Variants in CNTNAP5 observed in about 807,000 individuals in gnomAD.
CNTNAP5 encodes the protein contactin-associated protein-like 5.
CNTNAP5 carries 72 observed loss-of-function variants against 150.2 expected under a neutral mutation model. The ratio of observed to expected loss-of-function variants is 0.48; its 90% CI spans 0.40 to 0.58. The LOEUF is 0.58. CNTNAP5 is among the 20% of genes least tolerant of loss of function. CNTNAP5 has a pLI of 0.00. For missense variants in CNTNAP5, 1,636 were observed against 1,626.2 expected, an observed-to-expected ratio of 1.01 and a Z score of -0.10; for synonymous variants, 672 against 619.8, an observed-to-expected ratio of 1.08 and a Z score of -1.25.
chr2:124,161,030 C>T (rs1684664296), intron 1 of CNTNAP5, among the ~76,000 whole-genome samples: 2 of 151,998 alleles, frequency 1.3e-5, no homozygotes, highest in Admixed American at 1.3e-4. Flanking sequence ...ACAGCAAGAT[C>T]AGAGGAAATA....
chr2:124,478,692 G>T (rs927632897), intron 7 of CNTNAP5, among the ~76,000 whole-genome samples: 3 of 152,118 alleles, frequency 2.0e-5, no homozygotes, highest in African/African-American at 4.8e-5. Context: ...AATCAGCTTT[G>T]CTCCATCACT....
In CNTNAP5 at chr2:124,219,077, T is replaced by A. The variant is rs1686237367; in HGVS notation, c.83-2628T>A. The stretch of plus-strand genomic sequence containing the variant: ...ATCATTTTAACAATTTATATATGAA[T>A]GCGAAGATTACCAAAAAAGAAAAAG... On this transcript the variant is annotated intron_variant, in intron 1 of 23. Transcript: ENST00000682447. 2.0e-5 allele frequency among the ~76,000 whole-genome samples: 3 copies of A among 152,188 alleles called. No individual in the cohort carries two copies. In the South Asian group the frequency reaches 6.2e-4, roughly 32 times the overall value.
chr2:124,809,358 A>G (rs1474833975), intron 19 of CNTNAP5, among the ~76,000 whole-genome samples: 2 of 151,102 alleles, frequency 1.3e-5, no homozygotes, highest in African/African-American at 4.8e-5. Flanking sequence ...GATAATATAT[A>G]AACCCATAAA....
intron 4 of CNTNAP5, among the ~76,000 whole-genome samples, chr2:124,433,306 G>A (rs917131849): frequency 6.6e-6 from 1 of 152,076 alleles, no homozygotes; most frequent in East Asian, 1.9e-4. Flanking sequence ...TTAAAGTCAA[G>A]GTTTCCATCA....
At chr2:124,603,380 G>A (rs550222828) in intron 11 of CNTNAP5, among the ~76,000 whole-genome samples, 1 of 152,234 alleles carries the variant, frequency 6.6e-6, no homozygotes, top group Admixed American at 6.5e-5. Context: ...TGCCACATTA[G>A]AGGCACCCTG....
chr2:124,188,716 C>CAAAAAAAA lies in CNTNAP5; in HGVS notation c.83-32974_83-32967dup, dbSNP rs70996047. ...CCTGGGTGACAGCGAGACTCTGTCTCAAAAAAAAAAAAAAAAAAAAAAGAC... is the reference window on the plus strand; with the variant it reads ...CCTGGGTGACAGCGAGACTCTGTCTCAAAAAAAAAAAAAAAAAAAAAAAAAAAAAAGAC... On this transcript the variant is annotated intron_variant, in intron 1 of 23. Transcript: ENST00000682447. Among the ~76,000 whole-genome samples the CAAAAAAAA allele has an allele frequency of 1.6e-3, 120 of 73,002 alleles. 3 individuals carry two copies. The highest frequency in any genetic ancestry group is 0.011 in the Middle Eastern group (1 of 88). The allele number at this position is 73,002 out of a possible 152,430, so 47.9% of individuals were successfully genotyped here. A position where few individuals can be genotyped will look rare whatever the true frequency, so the allele number is the denominator to read the frequency against.
At chr2:124,593,182 A>T (rs201941082) in intron 11 of CNTNAP5, among the ~76,000 whole-genome samples, 60,754 of 143,426 alleles carry the variant, frequency 0.42, 13,503 homozygotes, top group East Asian at 0.79. Flanking sequence ...ATGTGCACAT[A>T]GTGCAGGTTA....
intron 11 of CNTNAP5, among the ~76,000 whole-genome samples, chr2:124,595,348 G>A (rs1383016123): frequency 3.2e-5 from 4 of 125,584 alleles, no homozygotes; most frequent in Non-Finnish European, 6.6e-5. Context: ...GTAGCATGAA[G>A]GGTTGTTGAA....
intron 17 of CNTNAP5, among the ~76,000 whole-genome samples, chr2:124,773,909 C>CGTGTGTGT (rs55795835): frequency 1.5e-5 from 2 of 132,018 alleles, no homozygotes; most frequent in African/African-American, 5.6e-5. Context: ...TAAGGGAGTG[C>CGTGTGTGT]GTGTGTGTGT....
chr2:124,551,884 A>T (rs992783), intron 10 of CNTNAP5, among the ~76,000 whole-genome samples: 149,214 of 152,244 alleles, frequency 0.98, 73,206 homozygotes, highest in East Asian at 1. Flanking sequence ...TATATTTTTT[A>T]ATGCTCTTAT....
At chr2:124,549,813 C>A (rs551690507) in intron 10 of CNTNAP5, among the ~76,000 whole-genome samples, 4 of 152,158 alleles carry the variant, frequency 2.6e-5, no homozygotes, top group East Asian at 3.8e-4. Context: ...TGCTATGATA[C>A]GTTATTATTT....
intron 3 of CNTNAP5, among the ~76,000 whole-genome samples, chr2:124,264,073 A>G (rs542824954): frequency 3.6e-4 from 54 of 152,058 alleles, no homozygotes; most frequent in African/African-American, 1.2e-3. Flanking sequence ...ATTATTAGCT[A>G]CTGGTTATTT....
chr2:124,060,691 G>A (rs563747869), intron 1 of CNTNAP5, among the ~76,000 whole-genome samples: 1 of 152,272 alleles, frequency 6.6e-6, no homozygotes, highest in Admixed American at 6.5e-5. Context: ...AGCAGAACAA[G>A]CATTTCTTAC....
At chr2:124,079,551 CA>C (rs1682512753) in intron 1 of CNTNAP5, among the ~76,000 whole-genome samples, 1 of 152,116 alleles carries the variant, frequency 6.6e-6, no homozygotes, top group African/African-American at 2.4e-5. Context: ...CAAATCGTTT[CA>C]AACAGTGCAT....
Position 124,706,795 on chromosome 2 carries a change from AAGG to A in CNTNAP5, c.2078-40405_2078-40403del, listed in dbSNP as rs1192390906. On this transcript the variant is annotated intron_variant, in intron 13 of 23. Coordinates refer to ENST00000682447, the MANE Select transcript of CNTNAP5 (RefSeq NM_001367498.1). The stretch of plus-strand genomic sequence containing the variant: ...GAAGAAGAAGAAGAAGAAGAAGAAG[AAGG>A]AGGAGGAGGAGGAGGAGGAGGAGGA... Among the ~76,000 whole-genome samples the A allele has an allele frequency of 2.0e-3, 38 of 18,866 alleles. No homozygotes were observed. The South Asian group carries it at 0.031, about 15-fold the overall frequency. 12.4% of individuals were successfully genotyped at this position (18,866 alleles called of 152,430 possible).
chr2:124,869,713 G>T lies in CNTNAP5; in HGVS notation c.3387G>T (p.Pro1129=). Residue 1129 remains proline (P), a synonymous_variant, in exon 21 of 24, where the codon CCG becomes CCT. Transcript: ENST00000682447. The part of the protein sequence containing the change: ...QQLRLSYNFS[P]EVEFRVIRSL... ...TTCGACTCAGTTATAACTTCTCTCC[G>T]GAAGTAGAGTTCAGGGTTATAAGGT... 6.2e-7 allele frequency: 1 copy of T among 1,611,882 alleles called. No homozygotes were observed. Among genetic ancestry groups the T allele is most frequent in the Middle Eastern group, 1.7e-4 (1 of 6,044 alleles).
intron 4 of CNTNAP5, among the ~76,000 whole-genome samples, chr2:124,418,606 C>T (rs1041759976): frequency 1.3e-5 from 2 of 152,124 alleles, no homozygotes; most frequent in African/African-American, 4.8e-5. Context: ...AGGGAATTTA[C>T]TGGTAAAATG....
At chr2:124,704,873 G>A (rs1472876446) in intron 13 of CNTNAP5, among the ~76,000 whole-genome samples, 1 of 151,872 alleles carries the variant, frequency 6.6e-6, no homozygotes, top group African/African-American at 2.4e-5. Flanking sequence ...GCCTTTCCCT[G>A]TATTCAACTG....
chr2:124,533,533 G>A (rs989918784), intron 10 of CNTNAP5, among the ~76,000 whole-genome samples: 1 of 152,182 alleles, frequency 6.6e-6, no homozygotes, highest in Non-Finnish European at 1.5e-5. Context: ...GTGGAGGAGA[G>A]GGATGGTTCC....
Sources: gnomAD v4.1 joint callset for allele counts (sites outside exome capture counted in the v4.1 genomes callset) on GRCh38, gnomAD v4.1.1 for gene constraint, MANE v1.5 for transcripts, NCBI Gene and HGNC (gene_info 2026-07-23, HGNC 2026-07-21) for gene names.